Variants in ZFP90 observed in about 807,000 individuals in gnomAD.
ZFP90 encodes the protein zinc finger protein 90 homolog.
Under a neutral mutation model 60.8 loss-of-function variants are expected in ZFP90, and 38 were observed. That is an observed-to-expected ratio of 0.62 (90% CI 0.48 to 0.82). The LOEUF (loss-of-function observed/expected upper bound fraction) is 0.82. Among genes scored for constraint, ZFP90 ranks in the 40% least tolerant of loss-of-function variants. The probability of loss-of-function intolerance (pLI) is 0.00; values close to 1 mark genes in which losing one functional copy is unlikely to be tolerated. For synonymous variants in ZFP90, 287 were observed against 264.8 expected (o/e 1.08, Z -0.82); for missense variants, 711 against 759.1 (o/e 0.94, Z 0.74).
intron 2 of ZFP90, among the ~76,000 whole-genome samples, chr16:68,556,012 A>G (rs1242381351): frequency 6.6e-6 from 1 of 152,308 alleles, no homozygotes; most frequent in East Asian, 1.9e-4. Flanking sequence ...ACAGAAGTCT[A>G]ACCAGGAATT....
At chr16:68,540,646 A>T (rs576094693) in intron 2 of ZFP90, among the ~76,000 whole-genome samples, 1 of 152,144 alleles carries the variant, frequency 6.6e-6, no homozygotes, top group East Asian at 1.9e-4. Flanking sequence ...TGTAGTTGCT[A>T]GGTGTGTGAG....
chr16:68,543,189 A>G (rs900373511), intron 2 of ZFP90, among the ~76,000 whole-genome samples: 1 of 151,588 alleles, frequency 6.6e-6, no homozygotes, highest in Non-Finnish European at 1.5e-5. Flanking sequence ...GCCTAGCGGC[A>G]AGATGTATGT....
chr16:68,552,900 A>G (rs184272061), intron 2 of ZFP90, among the ~76,000 whole-genome samples: 36 of 151,944 alleles, frequency 2.4e-4, no homozygotes, highest in African/African-American at 7.7e-4. Flanking sequence ...CTACAAAAGT[A>G]AAAAAAATAG....
chr16:68,558,501 C>G lies in ZFP90; in HGVS notation c.189C>G (p.Ile63Met), dbSNP rs1228662665. The G allele has an allele frequency of 6.2e-7, 1 of 1,613,916 alleles. No homozygotes were observed. Among genetic ancestry groups the G allele is most frequent in the East Asian group, 2.2e-5 (1 of 44,852 alleles). ...LGYQVSKPEVIFKLEQGEEPW... is the reference protein window; with the variant it reads ...LGYQVSKPEVMFKLEQGEEPW... ...ATCAAGTTTCCAAGCCAGAGGTGAT[C>G]TTCAAATTGGAGCAAGGAGAAGAGC... is the stretch of plus-strand genomic sequence containing the variant. The change falls in exon 4 of 5, where the codon ATC becomes ATG. Residue 63 changes from isoleucine to methionine, a missense_variant. Ile to Met is a conservative substitution (Grantham distance 10). This residue lies in a region of ZFP90 where 241 missense variants were observed against 247.6 expected (regional missense o/e 0.97). Transcript: ENST00000563169.
rs1457008054 is a variant in ZFP90 at position 68,566,756 on chromosome 16, C to G, written c.*2058C>G. ...CCTACTGATTGGCTAGGATGCCTGT[C>G]AGGAACTCATTATGCTACTGGTTGT... is the stretch of plus-strand genomic sequence containing the variant. On this transcript the variant is annotated 3_prime_UTR_variant, in exon 5 of 5. Coordinates refer to ENST00000563169, the MANE Select transcript of ZFP90 (RefSeq NM_001305203.2). 2.0e-6 allele frequency: 2 copies of G among 985,476 alleles called. No homozygotes were observed. The highest frequency in any genetic ancestry group is 2.4e-6 in the Non-Finnish European group (2 of 829,964). 61.0% of individuals were successfully genotyped at this position (985,476 alleles called of 1,614,324 possible). A position where few individuals can be genotyped will look rare whatever the true frequency, so the allele number is the denominator to read the frequency against.
At chr16:68,554,179 T>C (rs969942531) in intron 2 of ZFP90, among the ~76,000 whole-genome samples, 1 of 151,482 alleles carries the variant, frequency 6.6e-6, no homozygotes, top group Admixed American at 6.6e-5. Flanking sequence ...TGGAGTGCAG[T>C]GGTGGTGTCT....
intron 2 of ZFP90, among the ~76,000 whole-genome samples, chr16:68,550,820 A>C (rs754553124): frequency 6.6e-6 from 1 of 152,176 alleles, no homozygotes; most frequent in Non-Finnish European, 1.5e-5. Flanking sequence ...TGAAGGATGA[A>C]GGCAAGGGAC....
chr16:68,541,061 A>G (rs2091040018), intron 2 of ZFP90, among the ~76,000 whole-genome samples: 1 of 151,300 alleles, frequency 6.6e-6, no homozygotes, highest in African/African-American at 2.4e-5. Context: ...TTTTTGAGAC[A>G]GTCTCATTCT....
downstream of ZFP90, among the ~76,000 whole-genome samples, chr16:68,572,069 G>A (rs1373092216): frequency 6.6e-6 from 1 of 152,008 alleles, no homozygotes; most frequent in African/African-American, 2.4e-5. Flanking sequence ...GCAGTGGTGT[G>A]ATCATAGCTC....
chr16:68,563,091 G>GT lies in ZFP90; in HGVS notation c.305dup (p.Ser103IlefsTer9). On this transcript the variant is annotated frameshift_variant, in exon 5 of 5. Transcript: ENST00000563169. LOFTEE classifies it high-confidence loss of function. ...CAAATCATCACATTTGCAGCAGGAT[G>GT]TATCAGAAGTATCCCACTGCACACA... The GT allele has an allele frequency of 6.2e-7, 1 of 1,614,134 alleles. No homozygotes were observed. The highest frequency in any genetic ancestry group is 1.6e-4 in the Middle Eastern group (1 of 6,062).
chr16:68,569,825 C>T (rs1055773922), downstream of ZFP90, among the ~76,000 whole-genome samples: 1 of 152,138 alleles, frequency 6.6e-6, no homozygotes, highest in Non-Finnish European at 1.5e-5. Flanking sequence ...TTCCTCTTCT[C>T]TGTGCATCTT....
At position 68,564,457 on chromosome 16, in the gene ZFP90, A is replaced by G. The variant is rs755034470; in HGVS notation, c.1670A>G (p.Asp557Gly). The G allele has an allele frequency of 3.1e-6, 5 of 1,614,094 alleles. No homozygotes were observed. In the South Asian group the frequency reaches 5.5e-5, roughly 18 times the overall value. Residue 557 changes from aspartate to glycine, a missense_variant, in exon 5 of 5, where the codon GAC becomes GGC. Physicochemically the swap from Asp to Gly is moderately conservative, Grantham distance 94 (BLOSUM62 -1). Transcript: ENST00000563169. Reference sequence around the variant, plus strand: ...GGAGAGAAACCCTATGAATGTATTGACTGTGGGAAAGCCTTTAGTCAAAGT... The same window carrying G: ...GGAGAGAAACCCTATGAATGTATTGGCTGTGGGAAAGCCTTTAGTCAAAGT... ...HTGEKPYECI[D>G]CGKAFSQSSS...
chr16:68,547,743 G>T lies in ZFP90; in HGVS notation c.33+7918G>T, dbSNP rs1191511618. 2.0e-5 allele frequency among the ~76,000 whole-genome samples: 3 copies of T among 151,728 alleles called. No individual in the cohort carries two copies. The East Asian group carries it at 5.8e-4, about 29-fold the overall frequency. On this transcript the variant is annotated intron_variant, in intron 2 of 4. Coordinates refer to ENST00000563169, the MANE Select transcript of ZFP90 (RefSeq NM_001305203.2). ...TAGCCATTTCTCAGAGAACATTTAG[G>T]TTGTTTCTGAAATTTTTACTATTAT...
At position 68,558,450 on chromosome 16, in the gene ZFP90, C is replaced by T. The variant is rs890903996; in HGVS notation, c.161-23C>T. 11 of 1,608,556 alleles carry T rather than the reference C, an allele frequency of 6.8e-6. No homozygotes were observed. In the African/African-American group the frequency reaches 1.3e-4, roughly 20 times the overall value. On this transcript the variant is annotated intron_variant, in intron 3 of 4. Transcript: ENST00000563169. ...TGTCCACTTGCACAAACAACCAAAT[C>T]TTGTGTATTTACCCATGAGCAGGAT...
intron 2 of ZFP90, among the ~76,000 whole-genome samples, chr16:68,547,052 A>T (rs1051901711): frequency 6.6e-6 from 1 of 152,232 alleles, no homozygotes; most frequent in Non-Finnish European, 1.5e-5. Context: ...GGCACTGAAC[A>T]TGAACATGAG....
At chr16:68,549,673 C>A (rs2152063371) in intron 2 of ZFP90, among the ~76,000 whole-genome samples, 1 of 79,990 alleles carries the variant, frequency 1.3e-5, no homozygotes, top group South Asian at 4.1e-4. Flanking sequence ...AGCAAGACTC[C>A]ATCTCAAAAA....
rs2091418124 is a variant in ZFP90 at position 68,560,385 on chromosome 16, T to C, written c.256+1817T>C. Among the ~76,000 whole-genome samples, 3 of 152,300 alleles carry C rather than the reference T, an allele frequency of 2.0e-5. No individual in the cohort carries two copies. The South Asian group carries it at 6.2e-4, about 32-fold the overall frequency. ...TTTGTATAAATGGAATCATATAATATGGCACTGGCTTCTTTCACTTAGCAT... is the reference window on the plus strand; with the variant it reads ...TTTGTATAAATGGAATCATATAATACGGCACTGGCTTCTTTCACTTAGCAT... On this transcript the variant is annotated intron_variant, in intron 4 of 4. Transcript: ENST00000563169.
At position 68,539,751 on chromosome 16, in the gene ZFP90, TCCCCAGCTCCTG is replaced by T; in HGVS notation, c.-35-2_-26del. ...CGGGGTGAGTGGGCCCTGTCCTTTC[TCCCCAGCTCCTG>T]CCCCGGAGCCGGGCCCTGGCGAGGC... is the stretch of plus-strand genomic sequence containing the variant. On this transcript the variant is annotated splice_acceptor_variant and splice_polypyrimidine_tract_variant and 5_prime_UTR_variant and intron_variant, in exon 2 of 5. Coordinates refer to ENST00000563169, the MANE Select transcript of ZFP90 (RefSeq NM_001305203.2). LOFTEE classifies it low-confidence loss of function (5UTR_SPLICE). The T allele has an allele frequency of 6.4e-7, 1 of 1,550,686 alleles. No homozygotes were observed. The highest frequency in any genetic ancestry group is 8.7e-7 in the Non-Finnish European group (1 of 1,147,574).
chr16:68,565,136 A>C lies in ZFP90; in HGVS notation c.*438A>C. On this transcript the variant is annotated 3_prime_UTR_variant, in exon 5 of 5. Transcript: ENST00000563169. ...AACTTCACCATGGAAACCAGTTCCA[A>C]CTCCAGGAAGTCACCATTCAAAGAA... is the stretch of plus-strand genomic sequence containing the variant. 1.0e-6 allele frequency: 1 copy of C among 992,732 alleles called. No individual in the cohort carries two copies. Among genetic ancestry groups the C allele is most frequent in the Non-Finnish European group, 1.2e-6 (1 of 834,626 alleles). The allele number at this position is 992,732 out of a possible 1,614,324, so 61.5% of individuals were successfully genotyped here.
Sources: allele counts gnomAD v4.1 joint callset (sites outside exome capture counted in the v4.1 genomes callset), GRCh38; gene constraint gnomAD v4.1.1; regional missense constraint gnomAD v4.1.1; transcripts MANE v1.5; gene names NCBI Gene and HGNC (gene_info 2026-07-23, HGNC 2026-07-21).